Variants in BTNL9 observed in about 807,000 individuals in gnomAD.
BTNL9 encodes the protein butyrophilin like 9, also known as butyrophilin-like protein 9.
Under a neutral mutation model 45.8 loss-of-function variants are expected in BTNL9, and 45 were observed. The ratio of observed to expected loss-of-function variants is 0.98; its 90% CI spans 0.77 to 1.26. The LOEUF is 1.26. BTNL9 is among the 50% of genes most tolerant of loss of function. BTNL9 has a pLI of 0.00. For synonymous variants in BTNL9, 346 were observed against 330.8 expected, an observed-to-expected ratio of 1.05 and a Z score of -0.50; for missense variants, 784 against 729.7, an observed-to-expected ratio of 1.07 and a Z score of -0.86.
rs186408906 is a variant in BTNL9, at chr5:181,058,692, A to G, written c.982+314A>G. 1.5e-4 allele frequency among the ~76,000 whole-genome samples: 23 copies of G among 152,124 alleles called. No homozygotes were observed. In the East Asian group the frequency reaches 4.4e-3, roughly 29 times the overall value. On this transcript the variant is annotated intron_variant, in intron 10 of 10. Coordinates refer to ENST00000327705, the MANE Select transcript of BTNL9 (RefSeq NM_152547.5). Reference sequence around the variant, plus strand: ...AATGAACCTCCCAGATTCTCTGACGAAGGGGTCCCCTAGGTTCCCATCTGT... The same window carrying G: ...AATGAACCTCCCAGATTCTCTGACGGAGGGGTCCCCTAGGTTCCCATCTGT...
chr5:181,050,107 C>T lies in BTNL9; in HGVS notation c.474C>T (p.His158=), dbSNP rs1453209022. ...LEVAGLGSDP[H]LSLEGFKEGG... Reference sequence around the variant, plus strand: ...CACCAGGGCTGGGCTCAGACCCTCACCTCTCCCTTGAGGGCTTCAAGGAAG... The same window carrying T: ...CACCAGGGCTGGGCTCAGACCCTCATCTCTCCCTTGAGGGCTTCAAGGAAG... The change falls in exon 4 of 11, where the codon CAC becomes CAT. Residue 158 remains histidine, a synonymous_variant. Transcript: ENST00000327705. The surrounding 1 kb of genome is among the most constrained non-coding windows in gnomAD (Gnocchi z 4.9). 3.7e-6 allele frequency: 6 copies of T among 1,613,782 alleles called. No homozygotes were observed. The highest frequency in any genetic ancestry group is 4.5e-5 in the East Asian group (2 of 44,898).
In BTNL9 at chr5:181,059,539, G is replaced by T; in HGVS notation, c.1285G>T (p.Glu429Ter). The T allele has an allele frequency of 6.2e-7, 1 of 1,608,540 alleles. No homozygotes were observed. The highest frequency in any genetic ancestry group is 1.7e-4 in the Middle Eastern group (1 of 6,052). Residue 429 changes from glutamate (E) to a stop codon, truncating the protein, a stop_gained, in exon 11 of 11, where the codon GAG (glutamate) becomes TAG (stop). Transcript: ENST00000327705. LOFTEE classifies it low-confidence loss of function (END_TRUNC). ...GGTGCTGGGGCTGTGGAACGGCTGCGAGTACTTCGTCCTGGCCCCGCACCG... is the reference window on the plus strand; with the variant it reads ...GGTGCTGGGGCTGTGGAACGGCTGCTAGTACTTCGTCCTGGCCCCGCACCG... Reference protein sequence around the residue: ...YWVLGLWNGCEYFVLAPHRVA... With the variant: ...YWVLGLWNGC
At position 181,053,859 on chromosome 5, in the gene BTNL9, G is replaced by A. The variant is rs1367236448; in HGVS notation, c.886+358G>A. The A allele has an allele frequency of 2.0e-6, 3 of 1,506,620 alleles. No homozygotes were observed. Among genetic ancestry groups the A allele is most frequent in the South Asian group, 1.2e-5 (1 of 82,918 alleles). The allele number at this position is 1,506,620 out of a possible 1,614,324, so 93.3% of individuals were successfully genotyped here. ...TTTCATAGCGCACAGGGAGTCGGGC[G>A]GATGCGCAACATCTCCGCACAGGGT... On this transcript the variant is annotated intron_variant, in intron 6 of 10. Transcript: ENST00000327705. The surrounding 1 kb of genome is among the most constrained non-coding windows in gnomAD (Gnocchi z 6.5).
At chr5:181,048,958 TTGAG>T (rs549017847) in intron 3 of BTNL9, among the ~76,000 whole-genome samples, 12 of 145,418 alleles carry the variant, frequency 8.3e-5, no homozygotes, top group African/African-American at 2.5e-4. Context: ...ATATAATATA[TTGAG>T]TAACAAAATT....
chr5:181,050,372 C>T lies in BTNL9; in HGVS notation c.736+3C>T. 6.2e-7 allele frequency: 1 copy of T among 1,613,560 alleles called. No individual in the cohort carries two copies. On this transcript the variant is annotated splice_donor_region_variant and intron_variant, in intron 4 of 10. Transcript: ENST00000327705. The surrounding 1 kb of genome is among the most constrained non-coding windows in gnomAD (Gnocchi z 4.9). ...AGAGTTGGTGGTCCAGATAGCAGGT[C>T]AGTGGCTGTTAGCTCACACCCATCT...
intron 9 of BTNL9, 49 bp from the exon 10 acceptor site, chr5:181,058,303 T>C: frequency 6.2e-7 from 1 of 1,610,588 alleles, no homozygotes; most frequent in East Asian, 2.2e-5. Flanking sequence ...GTTCCAGAGT[T>C]ACTGACTGAG....
chr5:181,051,300 A>G (rs74570845), intron 4 of BTNL9, among the ~76,000 whole-genome samples: 2,009 of 152,252 alleles, frequency 0.013, 49 homozygotes, highest in African/African-American at 0.046. Context: ...TTTACATTTT[A>G]AGGACAAACC....
intron 2 of BTNL9, 132 bp downstream of exon 2, chr5:181,045,730 G>C: frequency 1.4e-6 from 1 of 706,420 alleles, no homozygotes; most frequent in Non-Finnish European, 2.4e-6. Context: ...TTCCATCCTG[G>C]TTGTTAAAGA....
chr5:181,059,487 G>A lies in BTNL9; in HGVS notation c.1233G>A (p.Ala411=), dbSNP rs771499714. 1.8e-5 allele frequency: 27 copies of A among 1,496,118 alleles called. No homozygotes were observed. The South Asian group carries it at 1.9e-4, about 11-fold the overall frequency. 92.7% of individuals were successfully genotyped at this position (1,496,118 alleles called of 1,614,324 possible). A position where few individuals can be genotyped will look rare whatever the true frequency, so the allele number is the denominator to read the frequency against. The part of the protein sequence containing the change: ...CLAAVPRAGP[A]RLSPAAGYWV... ...CCGCGGTGCCGCGCGCGGGGCCTGC[G>A]CGCCTGAGCCCTGCGGCCGGCTACT... Residue 411 remains alanine (A), a synonymous_variant, in exon 11 of 11, where the codon GCG becomes GCA. Coordinates refer to ENST00000327705, the MANE Select transcript of BTNL9 (RefSeq NM_152547.5).
chr5:181,058,419 C>T (rs559055627), intron 10 of BTNL9, 41 bp downstream of exon 10: 37 of 1,613,680 alleles, frequency 2.3e-5, no homozygotes, highest in Admixed American at 5.0e-5. Flanking sequence ...TTGGTTTGGC[C>T]GGATCTTAAA....
intron 10 of BTNL9, 37 bp from the exon 11 acceptor site, chr5:181,059,200 C>T (rs894865464): frequency 5.4e-6 from 8 of 1,479,346 alleles, no homozygotes; most frequent in South Asian, 1.3e-5. Context: ...GGGCCCAGAC[C>T]GTCCCGGGCG....
chr5:181,058,455 A>C, intron 10 of BTNL9, 77 bp downstream of exon 10: 2 of 1,603,722 alleles, frequency 1.2e-6, no homozygotes, highest in Non-Finnish European at 1.7e-6. Context: ...GAGATCTGAG[A>C]TTAGAGGACG....
intron 2 of BTNL9, among the ~76,000 whole-genome samples, chr5:181,047,314 T>C (rs1399479639): frequency 6.6e-6 from 1 of 152,138 alleles, no homozygotes; most frequent in African/African-American, 2.4e-5. Context: ...CAAATGAGTC[T>C]CAAAGGAAGG....
chr5:181,045,674 T>G, intron 2 of BTNL9, 76 bp downstream of exon 2: 1 of 1,182,668 alleles, frequency 8.5e-7, no homozygotes, highest in Non-Finnish European at 1.3e-6. Context: ...GGCTACGATC[T>G]TAGCACAGTA....
chr5:181,053,670 A>C lies in BTNL9; in HGVS notation c.886+169A>C. 1 of 1,527,040 alleles carries C rather than the reference A, an allele frequency of 6.5e-7. No homozygotes were observed. The highest frequency in any genetic ancestry group is 8.8e-7 in the Non-Finnish European group (1 of 1,134,154). 94.6% of individuals were successfully genotyped at this position (1,527,040 alleles called of 1,614,324 possible). A position where few individuals can be genotyped will look rare whatever the true frequency, so the allele number is the denominator to read the frequency against. ...GTGGGGAAGGGGGAAGATCGTTCAT[A>C]TGGACAAAAGCGGAGGTGCGGAACG... On this transcript the variant is annotated intron_variant, in intron 6 of 10. Coordinates refer to ENST00000327705, the MANE Select transcript of BTNL9 (RefSeq NM_152547.5). The surrounding 1 kb of genome is among the most constrained non-coding windows in gnomAD (Gnocchi z 6.5).
At chr5:181,043,100 AT>A (rs1465995216) in intron 1 of BTNL9, among the ~76,000 whole-genome samples, 2 of 152,186 alleles carry the variant, frequency 1.3e-5, no homozygotes, top group Non-Finnish European at 2.9e-5. Flanking sequence ...AATAATAATA[AT>A]AAAAATAATA....
At chr5:181,043,562 C>T (rs1760922022) in intron 1 of BTNL9, 1 of 152,262 alleles carries the variant, frequency 6.6e-6, no homozygotes, top group Non-Finnish European at 1.5e-5. Context: ...CAACCTAACA[C>T]AACCTCGACT....
rs1430632568 is a variant in BTNL9 at position 181,060,044 on chromosome 5, G to T, written c.*182G>T. 3.2e-6 allele frequency: 2 copies of T among 618,044 alleles called. No homozygotes were observed. Among genetic ancestry groups the T allele is most frequent in the Non-Finnish European group, 5.5e-6 (2 of 361,704 alleles). 38.3% of individuals were successfully genotyped at this position (618,044 alleles called of 1,614,324 possible). ...GTAGTGCGATTTTCTTCAAGGAAAG[G>T]AGACAAGTCCAAAGCTCGTTTGTGG... On this transcript the variant is annotated 3_prime_UTR_variant, in exon 11 of 11. Transcript: ENST00000327705.
chr5:181,055,619 A>C lies in BTNL9; in HGVS notation c.928+166A>C, dbSNP rs374470126. 320 of 843,262 alleles carry C rather than the reference A, an allele frequency of 3.8e-4. No individual in the cohort carries two copies. In the African/African-American group the frequency reaches 4.7e-3, roughly 12 times the overall value. The allele number at this position is 843,262 out of a possible 1,614,324, so 52.2% of individuals were successfully genotyped here. A position where few individuals can be genotyped will look rare whatever the true frequency, so the allele number is the denominator to read the frequency against. ...CCCGTCTCTTCTAAAAATACAAAAA[A>C]TTAGCCCGGCGTGGCGGCATGTGCC... On this transcript the variant is annotated intron_variant, in intron 8 of 10. Transcript: ENST00000327705. The surrounding 1 kb of genome is among the most constrained non-coding windows in gnomAD (Gnocchi z 4.4).
Sources: allele counts gnomAD v4.1 joint callset (sites outside exome capture counted in the v4.1 genomes callset), GRCh38; gene constraint gnomAD v4.1.1; non-coding constraint Gnocchi (gnomAD v3.1); transcripts MANE v1.5; gene names NCBI Gene and HGNC (gene_info 2026-07-23, HGNC 2026-07-21).